TGFB2: variants seen among roughly 807,000 people sequenced by gnomAD.
The protein encoded by TGFB2 is transforming growth factor beta 2, also known as transforming growth factor beta-2 proprotein.
In TGFB2, 13 loss-of-function variants were observed where a neutral mutation model predicts 42.7. The observed-to-expected ratio is 0.30, with a 90% confidence interval of 0.20 to 0.48. The LOEUF (loss-of-function observed/expected upper bound fraction) is 0.48. TGFB2 is among the 20% of genes least tolerant of loss of function. The pLI, the probability that TGFB2 is intolerant of heterozygous loss-of-function variation, is 0.99. For synonymous variants in TGFB2, 193 were observed against 193.6 expected (o/e 1.00, Z 0.03); for missense variants, 390 against 517.5 (o/e 0.75, Z 2.39).
At chr1:218,391,799 C>A (rs1455983543) in intron 1 of TGFB2, among the ~76,000 whole-genome samples, 3 of 152,166 alleles carry the variant, frequency 2.0e-5, no homozygotes, top group Admixed American at 6.5e-5. Context: ...GTGCAAAGGT[C>A]AAAAAATAGA....
chr1:218,416,761 TGTG>T (rs1378675757), intron 2 of TGFB2, among the ~76,000 whole-genome samples: 1 of 152,144 alleles, frequency 6.6e-6, no homozygotes, highest in Non-Finnish European at 1.5e-5. Context: ...TCAAATGTGT[TGTG>T]GGAGGGACTG....
chr1:218,392,928 G>C (rs1658365563), intron 1 of TGFB2, among the ~76,000 whole-genome samples: 1 of 152,212 alleles, frequency 6.6e-6, no homozygotes, highest in Non-Finnish European at 1.5e-5. Flanking sequence ...CTTTAGGGCA[G>C]AGCAACAAAT....
chr1:218,362,820 T>C (rs1657258926), intron 1 of TGFB2, among the ~76,000 whole-genome samples: 1 of 152,218 alleles, frequency 6.6e-6, no homozygotes, highest in Non-Finnish European at 1.5e-5. Flanking sequence ...TGTAGGTAAG[T>C]AGCCCCAAAC....
intron 1 of TGFB2, among the ~76,000 whole-genome samples, chr1:218,394,147 G>C (rs1224605817): frequency 6.6e-6 from 1 of 152,080 alleles, no homozygotes; most frequent in East Asian, 1.9e-4. Flanking sequence ...CTGACCTCGT[G>C]ATCCGCCCGC....
intron 2 of TGFB2, among the ~76,000 whole-genome samples, chr1:218,422,782 A>T (rs1176711658): frequency 6.6e-6 from 1 of 152,128 alleles, no homozygotes; most frequent in Non-Finnish European, 1.5e-5. Flanking sequence ...GCACCATCTT[A>T]TTATCCTGGG....
chr1:218,355,698 T>C (rs1321998545), intron 1 of TGFB2, among the ~76,000 whole-genome samples: 2 of 152,220 alleles, frequency 1.3e-5, no homozygotes, highest in Non-Finnish European at 1.5e-5. Context: ...AAAAAGCACC[T>C]GGTGCAGCTG....
At chr1:218,390,581 T>C (rs1055756907) in intron 1 of TGFB2, among the ~76,000 whole-genome samples, 6 of 152,212 alleles carry the variant, frequency 3.9e-5, no homozygotes, top group South Asian at 2.1e-4. Flanking sequence ...GCTAGTTCAA[T>C]TGAATTAAAA....
chr1:218,405,831 T>C (rs940888763), intron 2 of TGFB2, among the ~76,000 whole-genome samples: 1 of 152,120 alleles, frequency 6.6e-6, no homozygotes, highest in Non-Finnish European at 1.5e-5. Flanking sequence ...TCCTAATCAC[T>C]CAGGAGGGAA....
chr1:218,365,970 G>T, intron 1 of TGFB2, among the ~76,000 whole-genome samples: 1 of 152,184 alleles, frequency 6.6e-6, no homozygotes, highest in East Asian at 1.9e-4. Context: ...TTCTGACACT[G>T]ACAATTGGAC....
intron 1 of TGFB2, among the ~76,000 whole-genome samples, chr1:218,369,176 A>G (rs143931364): frequency 6.3e-4 from 93 of 148,054 alleles, no homozygotes; most frequent in African/African-American, 2.1e-3. Context: ...AATCACTTCA[A>G]CCCCGGAGGT....
At chr1:218,417,240 A>G (rs1659312266) in intron 2 of TGFB2, among the ~76,000 whole-genome samples, 1 of 152,216 alleles carries the variant, frequency 6.6e-6, no homozygotes, top group African/African-American at 2.4e-5. Flanking sequence ...GATATGAACA[A>G]TAAGGTCTAG....
At chr1:218,385,763 CT>C (rs1364637422) in intron 1 of TGFB2, among the ~76,000 whole-genome samples, 1 of 152,218 alleles carries the variant, frequency 6.6e-6, no homozygotes, top group Non-Finnish European at 1.5e-5. Context: ...CCTTTCCCAT[CT>C]TTCCCCTTGG....
At chr1:218,372,623 C>A (rs1481877585) in intron 1 of TGFB2, among the ~76,000 whole-genome samples, 1 of 152,182 alleles carries the variant, frequency 6.6e-6, no homozygotes, top group African/African-American at 2.4e-5. Flanking sequence ...GAATAGCTAA[C>A]CTACTAGGTG....
intron 1 of TGFB2, among the ~76,000 whole-genome samples, chr1:218,375,346 C>T (rs1657705053): frequency 6.7e-6 from 1 of 150,130 alleles, no homozygotes. Flanking sequence ...GATTTGCATA[C>T]AGGGGACCTG....
At chr1:218,406,760 G>C (rs976467496) in intron 2 of TGFB2, among the ~76,000 whole-genome samples, 1 of 152,146 alleles carries the variant, frequency 6.6e-6, no homozygotes, top group Non-Finnish European at 1.5e-5. Flanking sequence ...GATGCATAGC[G>C]CTCAGTGCCT....
At chr1:218,401,280 T>A (rs909335492) in intron 1 of TGFB2, among the ~76,000 whole-genome samples, 1 of 152,242 alleles carries the variant, frequency 6.6e-6, no homozygotes, top group African/African-American at 2.4e-5. Context: ...TTTAAGCTTT[T>A]TGTATACTGT....
Position 218,441,452 on chromosome 1 carries a change from T to G in TGFB2, c.*90T>G. 2.2e-6 allele frequency: 3 copies of G among 1,395,130 alleles called. No homozygotes were observed. Among genetic ancestry groups the G allele is most frequent in the Non-Finnish European group, 2.9e-6 (3 of 1,045,540 alleles). The allele number at this position is 1,395,130 out of a possible 1,614,324, so 86.4% of individuals were successfully genotyped here. A position where few individuals can be genotyped will look rare whatever the true frequency, so the allele number is the denominator to read the frequency against. ...CGATGATGCTTGTAACAAGAAAACA[T>G]AAGAGAGCCTTGGTTCATCAGTGTT... On this transcript the variant is annotated 3_prime_UTR_variant, in exon 7 of 7. Transcript: ENST00000366930.
intron 1 of TGFB2, among the ~76,000 whole-genome samples, chr1:218,397,543 A>G (rs1156775156): frequency 8.7e-5 from 13 of 149,702 alleles, no homozygotes; most frequent in African/African-American, 3.2e-4. Flanking sequence ...CAACCTGTGC[A>G]ACAGAGCGAG....
chr1:218,366,484 ATT>A (rs1163953462), intron 1 of TGFB2, among the ~76,000 whole-genome samples: 2 of 151,328 alleles, frequency 1.3e-5, no homozygotes, highest in Non-Finnish European at 2.9e-5. Context: ...TAAAAAAAAA[ATT>A]TTTTTTTAGA....
Sources: gnomAD v4.1 joint callset for allele counts (sites outside exome capture counted in the v4.1 genomes callset) on GRCh38, gnomAD v4.1.1 for gene constraint, MANE v1.5 for transcripts, NCBI Gene and HGNC (gene_info 2026-07-23, HGNC 2026-07-21) for gene names.